The following CATSPERB variants were observed in gnomAD, a reference collection of about 807,000 sequenced individuals.
CATSPERB encodes the protein catsper channel auxiliary subunit beta.
CATSPERB carries 93 observed loss-of-function variants against 128.3 expected under a neutral mutation model. The observed-to-expected ratio is 0.72, with a 90% CI of 0.61 to 0.86. The LOEUF (loss-of-function observed/expected upper bound fraction) is 0.86. Ranked by LOEUF, CATSPERB falls within the 40% of genes least tolerant of loss-of-function variation. CATSPERB has a pLI of 0.00. For missense variants in CATSPERB, 1,153 were observed against 1,329.5 expected (o/e 0.87, Z 2.06); for synonymous variants, 381 against 448.8 (o/e 0.85, Z 1.91).
intron 22 of CATSPERB, chr14:91,604,876 C>T (rs1893670784): frequency 2.9e-6 from 4 of 1,380,702 alleles, no homozygotes; most frequent in Non-Finnish European, 4.1e-6. Flanking sequence ...TCTTAGATTT[C>T]ATTCTCTGGT....
intron 5 of CATSPERB, among the ~76,000 whole-genome samples, chr14:91,718,906 T>C (rs1186627075): frequency 6.6e-6 from 1 of 152,190 alleles, no homozygotes; most frequent in Non-Finnish European, 1.5e-5. Flanking sequence ...ATGTGTCTCA[T>C]GCCTACAGAT....
chr14:91,693,470 A>G lies in CATSPERB; in HGVS notation c.626T>C (p.Ile209Thr), dbSNP rs779196283. The change falls in exon 8 of 27, where the codon ATA (isoleucine) becomes ACA (threonine). Residue 209 changes from isoleucine (I) to threonine (T), a missense_variant. Ile to Thr is a moderately conservative substitution (Grantham distance 89, BLOSUM62 -1). Coordinates refer to ENST00000256343, the MANE Select transcript of CATSPERB (RefSeq NM_024764.4). ...IVDTIVDGVY[I>T]GITFGGFWHD... ...CCAGAATCCACCAAAGGTTATGCCT[A>G]TGTAAACACCTACCATGAAACAAAA... is the stretch of plus-strand genomic sequence containing the variant. 2.0e-5 allele frequency: 33 copies of G among 1,613,022 alleles called. No homozygotes were observed. In the African/African-American group the frequency reaches 3.7e-4, roughly 18 times the overall value.
At chr14:91,595,456 C>G (rs552619452) in intron 22 of CATSPERB, among the ~76,000 whole-genome samples, 3 of 151,994 alleles carry the variant, frequency 2.0e-5, no homozygotes, top group Non-Finnish European at 2.9e-5. Context: ...CATGAGCCAC[C>G]GCACCCAGCC....
chr14:91,715,098 A>G (rs988261107), intron 5 of CATSPERB: 9 of 152,096 alleles, frequency 5.9e-5, no homozygotes, highest in Non-Finnish European at 8.8e-5. Flanking sequence ...TCTAGTAACA[A>G]ACTATAGAGA....
chr14:91,594,420 A>G (rs1893468179), intron 22 of CATSPERB, among the ~76,000 whole-genome samples: 1 of 152,010 alleles, frequency 6.6e-6, no homozygotes, highest in Non-Finnish European at 1.5e-5. Flanking sequence ...TGGCACATGT[A>G]TACATATGTG....
At chr14:91,674,099 T>C in intron 12 of CATSPERB, 77 bp downstream of exon 12, 3 of 824,990 alleles carry the variant, frequency 3.6e-6, no homozygotes, top group Non-Finnish European at 6.0e-6. Flanking sequence ...ATTGCCATTT[T>C]TTAGATTAAT....
rs758580473 is a variant in CATSPERB at position 91,587,268 on chromosome 14, T to C, written c.3066A>G (p.Glu1022=). Residue 1022 remains glutamate, a synonymous_variant, in exon 26 of 27, where the codon GAA becomes GAG. Transcript: ENST00000256343. ...TGACGGTCACTCTAAAGTGGAAAAG[T>C]TCAGAGCCCTGTGGAAAAAAGCACA... The part of the protein sequence containing the change: ...SGLNLSIKGS[E]LFHFRVTVIS... The C allele has an allele frequency of 1.2e-6, 2 of 1,604,840 alleles. No homozygotes were observed. The highest frequency in any genetic ancestry group is 3.4e-5 in the Admixed American group (2 of 58,034).
intron 14 of CATSPERB, among the ~76,000 whole-genome samples, chr14:91,669,511 ATGGGATTAG>A (rs755182821): frequency 1.0e-3 from 154 of 152,340 alleles, no homozygotes; most frequent in Non-Finnish European, 1.4e-3. Context: ...TACACTTTTG[ATGGGATTAG>A]TGGCAAAATC....
chr14:91,655,087 T>G (rs1313013958), intron 15 of CATSPERB, among the ~76,000 whole-genome samples: 3 of 152,226 alleles, frequency 2.0e-5, no homozygotes, highest in African/African-American at 7.2e-5. Flanking sequence ...TTCTACAAGT[T>G]GGCAATAGCC....
intron 2 of CATSPERB, among the ~76,000 whole-genome samples, chr14:91,728,355 T>G (rs951782284): frequency 1.3e-5 from 2 of 152,144 alleles, no homozygotes; most frequent in African/African-American, 4.8e-5. Context: ...GCTCAAGGTA[T>G]CCTCCTGTCT....
chr14:91,715,789 A>G (rs1895928041), intron 5 of CATSPERB, among the ~76,000 whole-genome samples: 1 of 152,166 alleles, frequency 6.6e-6, no homozygotes, highest in African/African-American at 2.4e-5. Flanking sequence ...AATAATCAAG[A>G]CAGTATAGTA....
rs1411317186 is a variant in CATSPERB, at chr14:91,587,216, T to C, written c.3118A>G (p.Ile1040Val). 2.5e-6 allele frequency: 4 copies of C among 1,602,624 alleles called. No individual in the cohort carries two copies. The highest frequency in any genetic ancestry group is 1.7e-5 in the Admixed American group (1 of 58,056). The part of the protein sequence containing the change: ...VISGVTFCNL[I>V]EEFQIYVDEA... ...ATCCATTTTACCTGAAATTCTTCAA[T>C]TAAGTTACAAAAAGTTACTCCTGAA... Residue 1040 changes from isoleucine (I) to valine (V), a missense_variant, in exon 26 of 27, where the codon ATT (isoleucine) becomes GTT (valine). Coordinates refer to ENST00000256343, the MANE Select transcript of CATSPERB (RefSeq NM_024764.4).
chr14:91,612,658 T>C (rs1893857564), intron 20 of CATSPERB, among the ~76,000 whole-genome samples: 1 of 152,226 alleles, frequency 6.6e-6, no homozygotes, highest in Non-Finnish European at 1.5e-5. Context: ...GTAGAAATAC[T>C]AATAAACGTA....
intron 22 of CATSPERB, among the ~76,000 whole-genome samples, chr14:91,606,844 A>G (rs2665348): frequency 1.3e-5 from 2 of 151,878 alleles, no homozygotes; most frequent in African/African-American, 4.8e-5. Context: ...TTAGGTGTAC[A>G]TACATTCCCT....
At chr14:91,594,374 GC>G (rs1383223069) in intron 22 of CATSPERB, among the ~76,000 whole-genome samples, 14 of 151,998 alleles carry the variant, frequency 9.2e-5, no homozygotes, top group Admixed American at 4.6e-4. Flanking sequence ...TATACCTAAT[GC>G]TAAATGACGA....
chr14:91,626,307 A>G (rs768989165), intron 17 of CATSPERB, among the ~76,000 whole-genome samples: 9 of 150,268 alleles, frequency 6.0e-5, no homozygotes, highest in Non-Finnish European at 1.0e-4. Flanking sequence ...TATTCCTCAA[A>G]GTTCATGTGT....
At position 91,591,912 on chromosome 14, in the gene CATSPERB, A is replaced by T; in HGVS notation, c.2800T>A (p.Phe934Ile). ...CTTACTTTTTCCCTGCAATCCGAGA[A>T]AGCAACAGCATGTGAAAACTTCTGA... Reference protein sequence around the residue: ...KDQKFSHAVAFSDCREKVPRF... With the variant: ...KDQKFSHAVAISDCREKVPRF... Residue 934 changes from phenylalanine to isoleucine, a missense_variant, in exon 23 of 27, where the codon TTC (phenylalanine) becomes ATC (isoleucine). Transcript: ENST00000256343. The T allele has an allele frequency of 6.2e-7, 1 of 1,613,026 alleles. No homozygotes were observed. Among genetic ancestry groups the T allele is most frequent in the Non-Finnish European group, 8.5e-7 (1 of 1,179,012 alleles).
intron 22 of CATSPERB, among the ~76,000 whole-genome samples, chr14:91,602,377 C>T (rs1408332972): frequency 6.6e-6 from 1 of 152,128 alleles, no homozygotes; most frequent in African/African-American, 2.4e-5. Flanking sequence ...TGTATTATAT[C>T]AACTTTCAAA....
At chr14:91,615,722 C>G (rs563517040) in intron 20 of CATSPERB, among the ~76,000 whole-genome samples, 95 of 152,172 alleles carry the variant, frequency 6.2e-4, no homozygotes, top group African/African-American at 2.1e-3. Context: ...TAGGTTGACC[C>G]GGTAACTTGG....
Sources: gnomAD v4.1 joint callset for allele counts (sites outside exome capture counted in the v4.1 genomes callset) on GRCh38, gnomAD v4.1.1 for gene constraint, MANE v1.5 for transcripts, NCBI Gene and HGNC (gene_info 2026-07-23, HGNC 2026-07-21) for gene names.